SPAG16: variants seen among roughly 807,000 people sequenced by gnomAD.
SPAG16 encodes sperm-associated antigen 16 protein.
A neutral mutation model predicts 80.4 loss-of-function variants in SPAG16; 86 were observed. The observed-to-expected ratio is 1.07, with a 90% CI of 0.90 to 1.28. The LOEUF is 1.28. Ranked by LOEUF, SPAG16 falls within the 50% of genes most tolerant of loss-of-function variation. SPAG16 has a pLI of 0.00. For missense variants in SPAG16, 870 were observed against 765.3 expected, an observed-to-expected ratio of 1.14 and a Z score of -1.61; for synonymous variants, 294 against 265.9, an observed-to-expected ratio of 1.11 and a Z score of -1.03.
At chr2:213,861,256 A>G (rs1397561712) in intron 10 of SPAG16, among the ~76,000 whole-genome samples, 1 of 152,106 alleles carries the variant, frequency 6.6e-6, no homozygotes, top group East Asian at 1.9e-4. Context: ...TAATTTAAAA[A>G]TAATTTTTCA....
intron 13 of SPAG16, among the ~76,000 whole-genome samples, chr2:214,080,929 G>A (rs2051356276): frequency 6.6e-6 from 1 of 151,950 alleles, no homozygotes; most frequent in African/African-American, 2.4e-5. Flanking sequence ...AATTGAATAG[G>A]TGTGGGATGT....
In SPAG16 at chr2:214,176,653, C is replaced by T. The variant is rs78995510; in HGVS notation, c.1720+27387C>T. On this transcript the variant is annotated intron_variant, in intron 15 of 15. Transcript: ENST00000331683. ...GTTGTATATTATTTTCCCTTGGGAG[C>T]TCGGTAAGACAATCTTCCCCTGAGT... Among the ~76,000 whole-genome samples, 7 of 151,330 alleles carry T rather than the reference C, an allele frequency of 4.6e-5. No individual in the cohort carries two copies. In the East Asian group the frequency reaches 9.7e-4, roughly 21 times the overall value.
chr2:213,441,711 A>G (rs543686963), intron 9 of SPAG16, among the ~76,000 whole-genome samples: 119 of 152,376 alleles, frequency 7.8e-4, no homozygotes, highest in African/African-American at 2.8e-3. Context: ...TGAAGACGAC[A>G]TGATTACTTA....
At chr2:214,293,737 T>C (rs796149033) in intron 15 of SPAG16, among the ~76,000 whole-genome samples, 7 of 152,264 alleles carry the variant, frequency 4.6e-5, no homozygotes, top group African/African-American at 1.7e-4. Flanking sequence ...TATTTCTCCT[T>C]GGGACATGTG....
intron 12 of SPAG16, among the ~76,000 whole-genome samples, chr2:213,955,923 G>A (rs191080690): frequency 4.6e-4 from 70 of 151,228 alleles, no homozygotes; most frequent in Non-Finnish European, 5.9e-5. Context: ...CAATTTTGTT[G>A]AACTTTTCAA....
intron 11 of SPAG16, among the ~76,000 whole-genome samples, chr2:213,890,382 G>T (rs1270905648): frequency 6.6e-6 from 1 of 152,006 alleles, no homozygotes; most frequent in Non-Finnish European, 1.5e-5. Flanking sequence ...TTTGCACCAA[G>T]AAATATTGTT....
At chr2:214,265,958 A>T (rs1691537796) in intron 15 of SPAG16, among the ~76,000 whole-genome samples, 1 of 151,734 alleles carries the variant, frequency 6.6e-6, no homozygotes, top group Non-Finnish European at 1.5e-5. Flanking sequence ...TTCTTTATTT[A>T]TTTTCATTCT....
At chr2:213,303,619 A>G (rs183285450) in intron 3 of SPAG16, among the ~76,000 whole-genome samples, 1 of 152,198 alleles carries the variant, frequency 6.6e-6, no homozygotes, top group Admixed American at 6.5e-5. Flanking sequence ...CAAATAAGTG[A>G]GAACATGTGA....
intron 6 of SPAG16, among the ~76,000 whole-genome samples, chr2:213,350,197 T>C (rs1366328439): frequency 6.6e-6 from 1 of 152,210 alleles, no homozygotes; most frequent in Non-Finnish European, 1.5e-5. Context: ...CTGATAGTTA[T>C]TTCCAAATTG....
chr2:214,002,526 A>AAG (rs142931090), intron 12 of SPAG16, among the ~76,000 whole-genome samples: 10 of 151,686 alleles, frequency 6.6e-5, no homozygotes, highest in African/African-American at 1.9e-4. Context: ...CAATAGGAGA[A>AAG]AGAGAGAGAG....
chr2:213,558,490 T>A (rs889079313), intron 10 of SPAG16, among the ~76,000 whole-genome samples: 1 of 151,766 alleles, frequency 6.6e-6, no homozygotes, highest in African/African-American at 2.4e-5. Context: ...TTTGTGTTAG[T>A]CATGTACAGG....
intron 14 of SPAG16, among the ~76,000 whole-genome samples, chr2:214,110,014 A>T (rs1449579763): frequency 6.6e-6 from 1 of 152,222 alleles, no homozygotes; most frequent in Non-Finnish European, 1.5e-5. Flanking sequence ...ATTAAACTTA[A>T]TAAATATGGA....
At chr2:213,718,612 G>A (rs2066359466) in intron 10 of SPAG16, among the ~76,000 whole-genome samples, 1 of 152,206 alleles carries the variant, frequency 6.6e-6, no homozygotes. Flanking sequence ...CTGGCCCGGG[G>A]CAATGGGGGA....
chr2:213,999,206 A>T (rs1321385832), intron 12 of SPAG16, among the ~76,000 whole-genome samples: 1 of 152,142 alleles, frequency 6.6e-6, no homozygotes, highest in African/African-American at 2.4e-5. Context: ...GAGGCTTAGG[A>T]GAAAATGGTT....
chr2:214,000,632 G>A (rs2046748876), intron 12 of SPAG16, among the ~76,000 whole-genome samples: 1 of 152,106 alleles, frequency 6.6e-6, no homozygotes, highest in Non-Finnish European at 1.5e-5. Context: ...CTCTACACAG[G>A]GCTGACAAGT....
chr2:213,931,541 C>T (rs184920323), intron 12 of SPAG16, among the ~76,000 whole-genome samples: 5 of 152,134 alleles, frequency 3.3e-5, no homozygotes, highest in Admixed American at 2.0e-4. Context: ...GGTTGAGGAT[C>T]GTAATAGAAA....
rs73076877 is a variant in SPAG16 at position 214,125,008 on chromosome 2, T to A, written c.1593+16747T>A. 5.6e-3 allele frequency among the ~76,000 whole-genome samples: 853 copies of A among 151,948 alleles called. 8 individuals carry two copies. Among genetic ancestry groups the A allele is most frequent in the African/African-American group, 0.02 (830 of 41,548 alleles). On this transcript the variant is annotated intron_variant, in intron 14 of 15. Coordinates refer to ENST00000331683, the MANE Select transcript of SPAG16 (RefSeq NM_024532.5). The stretch of plus-strand genomic sequence containing the variant: ...ATTCAGAAACCTAAATTCATTGAAT[T>A]TTTTTCTGAAACCATTCAAGTTTTT...
intron 8 of SPAG16, among the ~76,000 whole-genome samples, chr2:213,370,850 T>C (rs1198649269): frequency 6.6e-6 from 1 of 152,226 alleles, no homozygotes; most frequent in Non-Finnish European, 1.5e-5. Flanking sequence ...CTGTGATATT[T>C]TGAAATGGCT....
At chr2:213,906,657 A>G (rs1052373399) in intron 11 of SPAG16, among the ~76,000 whole-genome samples, 1 of 152,202 alleles carries the variant, frequency 6.6e-6, no homozygotes, top group African/African-American at 2.4e-5. Context: ...ATATTGGTAT[A>G]AAACCAGACA....
Sources: allele counts gnomAD v4.1 joint callset (sites outside exome capture counted in the v4.1 genomes callset), GRCh38; gene constraint gnomAD v4.1.1; transcripts MANE v1.5; gene names NCBI Gene and HGNC (gene_info 2026-07-23, HGNC 2026-07-21).